USP34: variants seen among roughly 807,000 people sequenced by gnomAD.
The protein encoded by USP34 is ubiquitin carboxyl-terminal hydrolase 34.
Under a neutral mutation model 460.3 loss-of-function variants are expected in USP34, and 70 were observed. The ratio of observed to expected loss-of-function variants is 0.15; its 90% CI spans 0.13 to 0.19. The LOEUF (loss-of-function observed/expected upper bound fraction) is 0.19. USP34 is among the 10% of genes least tolerant of loss of function. USP34 has a pLI of 1.00. For missense variants in USP34, 3,985 were observed against 4,236.2 expected, an observed-to-expected ratio of 0.94 and a Z score of 1.65; for synonymous variants, 1,647 against 1,405.3, an observed-to-expected ratio of 1.17 and a Z score of -3.85.
chr2:61,398,166 C>T (rs1357075375), intron 3 of USP34, among the ~76,000 whole-genome samples: 1 of 152,046 alleles, frequency 6.6e-6, no homozygotes, highest in Non-Finnish European at 1.5e-5. Flanking sequence ...GAGTTCAAGA[C>T]TAGCCTCGTA....
intron 29 of USP34, among the ~76,000 whole-genome samples, chr2:61,298,809 C>A (rs944568588): frequency 2.6e-5 from 4 of 151,828 alleles, no homozygotes; most frequent in Non-Finnish European, 4.4e-5. Flanking sequence ...GGTCCTTTTG[C>A]GATACAAGTT....
Position 61,280,353 on chromosome 2 carries a change from T to TA in USP34, c.5152-6dup. On this transcript the variant is annotated splice_region_variant and splice_polypyrimidine_tract_variant and intron_variant, in intron 38 of 79. Coordinates refer to ENST00000398571, the MANE Select transcript of USP34 (RefSeq NM_014709.4). ...TTCTTCCTCATAATCATCTATCTAT[T>TA]AAAAAAATTTTATACTTTGTGAAAA... 3 of 1,410,332 alleles carry TA rather than the reference T, an allele frequency of 2.1e-6. No individual in the cohort carries two copies. The highest frequency in any genetic ancestry group is 5.0e-5 in the Admixed American group (2 of 40,392). The allele number at this position is 1,410,332 out of a possible 1,614,324, so 87.4% of individuals were successfully genotyped here.
chr2:61,244,217 G>C (rs944013231), intron 51 of USP34, among the ~76,000 whole-genome samples: 2 of 152,286 alleles, frequency 1.3e-5, no homozygotes, highest in East Asian at 3.9e-4. Flanking sequence ...TGTCTTGTGA[G>C]AATCAAGAGA....
intron 23 of USP34, among the ~76,000 whole-genome samples, chr2:61,315,896 C>A (rs369751847): frequency 3.0e-4 from 45 of 152,058 alleles, no homozygotes; most frequent in African/African-American, 1.1e-3. Context: ...CTGAAATTAC[C>A]AAATTGAAAA....
chr2:61,288,803 T>G lies in USP34; in HGVS notation c.4623A>C (p.Leu1541Phe), dbSNP rs766471131. The G allele has an allele frequency of 1.4e-5, 22 of 1,613,998 alleles. No individual in the cohort carries two copies. Among genetic ancestry groups the G allele is most frequent in the Non-Finnish European group, 1.9e-5 (22 of 1,179,970 alleles). The change falls in exon 34 of 80, where the codon TTA becomes TTC. Residue 1541 changes from leucine (L) to phenylalanine (F), a missense_variant. Leu to Phe is a conservative substitution (Grantham distance 22). Coordinates refer to ENST00000398571, the MANE Select transcript of USP34 (RefSeq NM_014709.4). Reference protein sequence around the residue: ...QFAVDPSDLDLAYHDVFAWSG... With the variant: ...QFAVDPSDLDFAYHDVFAWSG... ...ACCAGGCAAAGACATCATGATAAGC[T>G]AAATCCAAATCGGATGGATCTACTG...
intron 8 of USP34, among the ~76,000 whole-genome samples, chr2:61,374,179 C>A (rs67998522): frequency 5.0e-5 from 7 of 141,066 alleles, no homozygotes; most frequent in Admixed American, 7.0e-5. Flanking sequence ...AAAAAAAAAA[C>A]AGAGAAAATG....
intron 75 of USP34, among the ~76,000 whole-genome samples, chr2:61,198,401 T>A (rs1044290217): frequency 6.6e-6 from 1 of 152,174 alleles, no homozygotes; most frequent in Non-Finnish European, 1.5e-5. Flanking sequence ...TTGTTTCCAG[T>A]TTTTACCCAT....
intron 34 of USP34, among the ~76,000 whole-genome samples, chr2:61,287,129 A>G (rs1296064695): frequency 1.3e-5 from 2 of 152,178 alleles, no homozygotes; most frequent in South Asian, 4.1e-4. Flanking sequence ...AATGATTTGG[A>G]ATACTGACAG....
intron 53 of USP34, among the ~76,000 whole-genome samples, chr2:61,241,304 A>G (rs972328368): frequency 2.6e-5 from 4 of 152,138 alleles, no homozygotes; most frequent in African/African-American, 9.7e-5. Flanking sequence ...GGCCTCCCAA[A>G]GTGCTGAGAT....
intron 8 of USP34, among the ~76,000 whole-genome samples, chr2:61,372,571 C>A (rs1235676351): frequency 6.6e-6 from 1 of 152,072 alleles, no homozygotes; most frequent in Non-Finnish European, 1.5e-5. Context: ...TTCCGCCAGG[C>A]ATGGTGGCTC....
At chr2:61,204,624 G>A (rs775367799) in intron 72 of USP34, 23 bp from the exon 73 acceptor site, 4 of 1,595,368 alleles carry the variant, frequency 2.5e-6, no homozygotes, top group Non-Finnish European at 3.4e-6. Context: ...ACAAAGTTTG[G>A]GTAGCAAAAA....
At chr2:61,388,229 G>A (rs1693227499) in intron 5 of USP34, among the ~76,000 whole-genome samples, 1 of 152,024 alleles carries the variant, frequency 6.6e-6, no homozygotes, top group South Asian at 2.1e-4. Context: ...GGTGACAAGA[G>A]TAAGACACTG....
At chr2:61,455,781 G>C (rs1041582100) in intron 1 of USP34, among the ~76,000 whole-genome samples, 1 of 152,134 alleles carries the variant, frequency 6.6e-6, no homozygotes, top group African/African-American at 2.4e-5. Flanking sequence ...TCTTATGCTA[G>C]CACTGCGTTA....
At chr2:61,265,587 C>T in intron 42 of USP34, 30 bp from the exon 43 acceptor site, 7 of 1,570,330 alleles carry the variant, frequency 4.5e-6, no homozygotes, top group Non-Finnish European at 6.1e-6. Context: ...GAAAAGATCC[C>T]CCCCAAACAA....
At chr2:61,244,002 T>C (rs1344146068) in intron 51 of USP34, among the ~76,000 whole-genome samples, 1 of 152,182 alleles carries the variant, frequency 6.6e-6, no homozygotes, top group Non-Finnish European at 1.5e-5. Flanking sequence ...ACTGCTTTTC[T>C]TTTTCCATTC....
intron 20 of USP34, among the ~76,000 whole-genome samples, chr2:61,327,560 A>C (rs1175223816): frequency 6.6e-6 from 1 of 152,220 alleles, no homozygotes; most frequent in Non-Finnish European, 1.5e-5. Context: ...TGGGACATCA[A>C]TCAAACATAA....
rs370409011 is a variant in USP34, at chr2:61,338,358, A to AT, written c.2744+992dup. Among the ~76,000 whole-genome samples, 106 of 152,322 alleles carry AT rather than the reference A, an allele frequency of 7.0e-4. 1 individual carries two copies. The highest frequency in any genetic ancestry group is 2.1e-3 in the African/African-American group (88 of 41,574). On this transcript the variant is annotated intron_variant, in intron 18 of 79. Transcript: ENST00000398571. ...GAATGAATACCAAAGGAGGCAACTG[A>AT]TTCATTTACAAAGTTCTACTAGTGG...
At chr2:61,376,231 A>T (rs1165144502) in intron 8 of USP34, among the ~76,000 whole-genome samples, 1 of 152,238 alleles carries the variant, frequency 6.6e-6, no homozygotes, top group African/African-American at 2.4e-5. Flanking sequence ...AAAACTGCTT[A>T]AAAATACCCA....
intron 1 of USP34, among the ~76,000 whole-genome samples, chr2:61,447,600 A>C (rs1178458133): frequency 6.6e-6 from 1 of 152,232 alleles, no homozygotes; most frequent in Non-Finnish European, 1.5e-5. Flanking sequence ...CAAATTAACC[A>C]TCTTACTGCA....
Sources: gnomAD v4.1 joint callset for allele counts (sites outside exome capture counted in the v4.1 genomes callset) on GRCh38, gnomAD v4.1.1 for gene constraint, MANE v1.5 for transcripts, NCBI Gene and HGNC (gene_info 2026-07-23, HGNC 2026-07-21) for gene names.